NCAM1: variants seen among roughly 807,000 people sequenced by gnomAD.
NCAM1 encodes the protein antigen recognized by monoclonal antibody 5.1H11.
NCAM1 carries 14 observed loss-of-function variants against 109.8 expected under a neutral mutation model. The ratio of observed to expected loss-of-function variants is 0.13; its 90% CI spans 0.08 to 0.20. The LOEUF is 0.20. Among genes scored for constraint, NCAM1 ranks in the 10% least tolerant of loss-of-function variants. The pLI is 1.00. For synonymous variants in NCAM1, 418 were observed against 442.9 expected, an observed-to-expected ratio of 0.94 and a Z score of 0.70; for missense variants, 774 against 1,109.9, an observed-to-expected ratio of 0.70 and a Z score of 4.30.
chr11:113,004,240 A>G (rs1240815558), intron 1 of NCAM1, among the ~76,000 whole-genome samples: 1 of 152,196 alleles, frequency 6.6e-6, no homozygotes, highest in Non-Finnish European at 1.5e-5. Context: ...CACGCCTGTA[A>G]TCGCAGCACT....
intron 1 of NCAM1, among the ~76,000 whole-genome samples, chr11:112,975,073 A>T (rs1950973013): frequency 6.6e-6 from 1 of 152,044 alleles, no homozygotes; most frequent in Admixed American, 6.6e-5. Flanking sequence ...GGGGTGCATC[A>T]AAGGCAAAAA....
chr11:113,204,447 G>A lies in NCAM1; in HGVS notation c.289G>A (p.Val97Met). The change falls in exon 3 of 20, where the codon GTG (valine) becomes ATG (methionine). Residue 97 changes from valine to methionine, a missense_variant. Coordinates refer to ENST00000316851, the MANE Select transcript of NCAM1 (RefSeq NM_181351.5). ...CGACGACGCCGGCATTTACAAGTGT[G>A]TGGTTACAGGCGAGGATGGCAGTGA... ...NIDDAGIYKC[V>M]VTGEDGSESE... 1.2e-6 allele frequency: 2 copies of A among 1,614,012 alleles called. No individual in the cohort carries two copies. The highest frequency in any genetic ancestry group is 1.3e-5 in the African/African-American group (1 of 75,046).
At chr11:113,120,619 G>A (rs1172271631) in intron 1 of NCAM1, among the ~76,000 whole-genome samples, 3 of 152,122 alleles carry the variant, frequency 2.0e-5, no homozygotes, top group African/African-American at 7.2e-5. Context: ...AGTGAAAGAG[G>A]CAAACACCAT....
chr11:113,270,847 G>A (rs1555125174), intron 18 of NCAM1, among the ~76,000 whole-genome samples: 1 of 152,164 alleles, frequency 6.6e-6, no homozygotes, highest in Non-Finnish European at 1.5e-5. Flanking sequence ...AGGTACAACA[G>A]GGAACAAACA....
chr11:112,967,089 A>G (rs992712576), intron 1 of NCAM1, among the ~76,000 whole-genome samples: 6 of 152,216 alleles, frequency 3.9e-5, no homozygotes, highest in Admixed American at 3.9e-4. Flanking sequence ...TATGTAACCT[A>G]TATTCCACTT....
chr11:113,016,383 C>T (rs1334517814), intron 1 of NCAM1, among the ~76,000 whole-genome samples: 1 of 152,158 alleles, frequency 6.6e-6, no homozygotes, highest in Non-Finnish European at 1.5e-5. Flanking sequence ...GCCTAATAGA[C>T]AGACATAAAA....
chr11:113,155,581 T>G (rs376220579), intron 1 of NCAM1, among the ~76,000 whole-genome samples: 3 of 151,792 alleles, frequency 2.0e-5, no homozygotes, highest in African/African-American at 4.8e-5. Flanking sequence ...GTTGCTAAGG[T>G]AGAGTGCAAG....
At chr11:113,120,539 G>A (rs1235039167) in intron 1 of NCAM1, among the ~76,000 whole-genome samples, 3 of 152,122 alleles carry the variant, frequency 2.0e-5, no homozygotes, top group Admixed American at 6.5e-5. Flanking sequence ...CTGTGGCCAC[G>A]CTTTGCACTG....
chr11:112,985,624 C>T (rs1555069489), intron 1 of NCAM1, among the ~76,000 whole-genome samples: 1 of 151,604 alleles, frequency 6.6e-6, no homozygotes, highest in African/African-American at 2.4e-5. Context: ...AGATTTTTAC[C>T]TCTTTAGTTA....
chr11:113,214,383 A>G lies in NCAM1; in HGVS notation c.931A>G (p.Thr311Ala). 6.2e-7 allele frequency: 1 copy of G among 1,613,610 alleles called. No individual in the cohort carries two copies. Among genetic ancestry groups the G allele is most frequent in the Non-Finnish European group, 8.5e-7 (1 of 1,179,814 alleles). The change falls in exon 8 of 20, where the codon ACA becomes GCA. Residue 311 changes from threonine (T) to alanine (A), a missense_variant. Thr to Ala is a moderately conservative substitution (Grantham distance 58). Coordinates refer to ENST00000316851, the MANE Select transcript of NCAM1 (RefSeq NM_181351.5). ...TGTCTTTTCAGCAAAACCCAAAATCACATATGTAGAGAACCAGACTGCCAT... is the reference window on the plus strand; with the variant it reads ...TGTCTTTTCAGCAAAACCCAAAATCGCATATGTAGAGAACCAGACTGCCAT... ...HLKVFAKPKI[T>A]YVENQTAMEL...
intron 13 of NCAM1, 47 bp from the exon 14 acceptor site, chr11:113,234,986 C>G (rs1555117970): frequency 6.6e-7 from 1 of 1,519,808 alleles, no homozygotes; most frequent in Non-Finnish European, 8.9e-7. Context: ...AGCGGCTGCA[C>G]CATTTTAACA....
At position 113,277,268 on chromosome 11, in the gene NCAM1, G is replaced by A. The variant is rs970367776; in HGVS notation, c.*1881G>A. On this transcript the variant is annotated 3_prime_UTR_variant, in exon 20 of 20. Coordinates refer to ENST00000316851, the MANE Select transcript of NCAM1 (RefSeq NM_181351.5). Reference sequence around the variant, plus strand: ...ACACTTCTGCAGTCTGATCAGTGGCGATGCTAGATTATAATTTCAAACTGT... The same window carrying A: ...ACACTTCTGCAGTCTGATCAGTGGCAATGCTAGATTATAATTTCAAACTGT... The A allele has an allele frequency of 1.7e-4, 67 of 398,694 alleles. No individual in the cohort carries two copies. Among genetic ancestry groups the A allele is most frequent in the Non-Finnish European group, 2.3e-4 (51 of 225,952 alleles). The allele number at this position is 398,694 out of a possible 1,614,324, so 24.7% of individuals were successfully genotyped here. A position where few individuals can be genotyped will look rare whatever the true frequency, so the allele number is the denominator to read the frequency against.
chr11:113,103,361 C>G (rs10891506), intron 1 of NCAM1, among the ~76,000 whole-genome samples: 109,916 of 152,118 alleles, frequency 0.72, 40,089 homozygotes, highest in African/African-American at 0.79. Context: ...GATTCCTTTT[C>G]CTTTTTGTAG....
chr11:113,185,079 T>TATATAGAGAGAGAGAGAGAGAG, intron 1 of NCAM1, among the ~76,000 whole-genome samples: 2 of 125,754 alleles, frequency 1.6e-5, no homozygotes, highest in East Asian at 5.7e-4. Flanking sequence ...TATATATATA[T>TATATAGAGAGAGAGAGAGAGAG]AGAGAGAGAG....
chr11:113,044,432 C>G (rs1452453130), intron 1 of NCAM1, among the ~76,000 whole-genome samples: 1 of 152,140 alleles, frequency 6.6e-6, no homozygotes, highest in Non-Finnish European at 1.5e-5. Flanking sequence ...TGCCTGCAAT[C>G]CCAGCACTTT....
intron 1 of NCAM1, among the ~76,000 whole-genome samples, chr11:113,061,448 G>T (rs551618990): frequency 6.6e-6 from 1 of 152,284 alleles, no homozygotes; most frequent in Non-Finnish European, 1.5e-5. Context: ...GGTGAATTAT[G>T]GAAGTGGTAT....
chr11:113,196,881 T>C (rs1384800238), intron 1 of NCAM1, among the ~76,000 whole-genome samples: 1 of 152,212 alleles, frequency 6.6e-6, no homozygotes, highest in Non-Finnish European at 1.5e-5. Flanking sequence ...TAGTCTGTTA[T>C]TATAATGCTG....
intron 1 of NCAM1, among the ~76,000 whole-genome samples, chr11:112,994,731 G>A (rs548859959): frequency 6.6e-6 from 1 of 152,276 alleles, no homozygotes; most frequent in African/African-American, 2.4e-5. Flanking sequence ...CTGCAGGGCA[G>A]GTCAGCTCCT....
At chr11:113,171,633 CAATAAATAAATAAATA>C (rs58639337) in intron 1 of NCAM1, among the ~76,000 whole-genome samples, 93,647 of 149,524 alleles carry the variant, frequency 0.63, 29,437 homozygotes, top group South Asian at 0.72. Flanking sequence ...GACTTTGTCT[CAATAAATAAATAAATA>C]AATAAATAAA....
Sources: gnomAD v4.1 joint callset for allele counts (sites outside exome capture counted in the v4.1 genomes callset) on GRCh38, gnomAD v4.1.1 for gene constraint, MANE v1.5 for transcripts, NCBI Gene and HGNC (gene_info 2026-07-23, HGNC 2026-07-21) for gene names.